The following CNTN4 variants were observed in gnomAD, a reference collection of about 807,000 sequenced individuals.
CNTN4 encodes contactin 4, also known as contactin-4.
In CNTN4, 77 loss-of-function variants were observed where a neutral mutation model predicts 122.5. That is an observed-to-expected ratio of 0.63 (90% CI 0.52 to 0.76). The LOEUF (loss-of-function observed/expected upper bound fraction) is 0.76. Ranked by LOEUF, CNTN4 falls within the 30% of genes least tolerant of loss-of-function variation. CNTN4 has a pLI of 0.00. For synonymous variants in CNTN4, 512 were observed against 447.0 expected (o/e 1.15, Z -1.83); for missense variants, 1,256 against 1,259.1 (o/e 1.00, Z 0.04).
At chr3:2,393,328 C>A (rs1242846309) in intron 3 of CNTN4, among the ~76,000 whole-genome samples, 1 of 152,124 alleles carries the variant, frequency 6.6e-6, no homozygotes, top group African/African-American at 2.4e-5. Context: ...ACATTCTGAG[C>A]TGCTGAAGAT....
At chr3:2,737,866 G>A (rs1311621994) in intron 5 of CNTN4, among the ~76,000 whole-genome samples, 1 of 152,202 alleles carries the variant, frequency 6.6e-6, no homozygotes, top group African/African-American at 2.4e-5. Context: ...AGACTCAAAA[G>A]CACAGGTAAT....
intron 3 of CNTN4, among the ~76,000 whole-genome samples, chr3:2,473,518 C>T (rs567068089): frequency 2.0e-5 from 3 of 152,246 alleles, no homozygotes; most frequent in African/African-American, 7.2e-5. Flanking sequence ...AATTTCAGTT[C>T]GTAAATTATA....
intron 3 of CNTN4, among the ~76,000 whole-genome samples, chr3:2,519,385 C>T (rs1343894936): frequency 6.6e-6 from 1 of 152,196 alleles, no homozygotes; most frequent in Non-Finnish European, 1.5e-5. Context: ...ATTGTCTTGT[C>T]TGTTCCTCTA....
chr3:2,763,934 A>G (rs193062577), intron 6 of CNTN4, among the ~76,000 whole-genome samples: 2 of 145,100 alleles, frequency 1.4e-5, no homozygotes, highest in East Asian at 2.0e-4. Context: ...CAGCTTTGTT[A>G]TTTTGCTTAG....
At chr3:2,310,977 G>A (rs916917893) in intron 2 of CNTN4, among the ~76,000 whole-genome samples, 1 of 151,990 alleles carries the variant, frequency 6.6e-6, no homozygotes, top group Non-Finnish European at 1.5e-5. Context: ...AGACTCCCTT[G>A]ACTTTATCCT....
At chr3:2,203,617 A>G (rs1157888285) in intron 2 of CNTN4, among the ~76,000 whole-genome samples, 1 of 152,162 alleles carries the variant, frequency 6.6e-6, no homozygotes, top group Non-Finnish European at 1.5e-5. Context: ...CTGCTCCAGT[A>G]CGTTCCTGAA....
intron 13 of CNTN4, among the ~76,000 whole-genome samples, chr3:2,961,250 A>G (rs1298329252): frequency 2.0e-5 from 3 of 146,502 alleles, no homozygotes; most frequent in African/African-American, 7.5e-5. Context: ...AAAAAAAAAA[A>G]GGCCTACTGA....
At chr3:2,920,660 G>C (rs532100422) in intron 12 of CNTN4, among the ~76,000 whole-genome samples, 2 of 152,212 alleles carry the variant, frequency 1.3e-5, no homozygotes, top group African/African-American at 4.8e-5. Flanking sequence ...TGGTGACTGG[G>C]GTAGTGCAGT....
At chr3:3,049,805 T>A (rs1395973741) in intron 23 of CNTN4, among the ~76,000 whole-genome samples, 1 of 151,752 alleles carries the variant, frequency 6.6e-6, no homozygotes, top group Admixed American at 6.6e-5. Context: ...TGTGACAATG[T>A]AGCAACATTG....
chr3:2,527,930 T>C (rs951841002), intron 3 of CNTN4, among the ~76,000 whole-genome samples: 3 of 152,168 alleles, frequency 2.0e-5, no homozygotes, highest in African/African-American at 7.2e-5. Flanking sequence ...CCTTTTGTTT[T>C]CAGATATATG....
intron 3 of CNTN4, among the ~76,000 whole-genome samples, chr3:2,340,710 T>TATATATATAGAGAGAGAG: frequency 1.3e-3 from 24 of 18,302 alleles, no homozygotes; most frequent in Admixed American, 2.4e-3. Flanking sequence ...TATATATATA[T>TATATATATAGAGAGAGAG]AGAGAGAGAG....
chr3:2,791,061 A>C (rs189686135), intron 6 of CNTN4, among the ~76,000 whole-genome samples: 35 of 152,314 alleles, frequency 2.3e-4, no homozygotes, highest in African/African-American at 7.0e-4. Flanking sequence ...CAACAAAGGC[A>C]GACCAAGATT....
intron 5 of CNTN4, among the ~76,000 whole-genome samples, chr3:2,741,395 AAAG>A (rs897536582): frequency 2.6e-5 from 4 of 152,248 alleles, no homozygotes; most frequent in Non-Finnish European, 4.4e-5. Flanking sequence ...TGGATAAGGA[AAAG>A]AAGTGCATTC....
intron 4 of CNTN4, among the ~76,000 whole-genome samples, chr3:2,733,761 C>T (rs1465096488): frequency 2.0e-5 from 3 of 151,964 alleles, no homozygotes; most frequent in African/African-American, 7.3e-5. Context: ...GTCTCAAATG[C>T]CTGACCTCAT....
At chr3:2,162,407 A>G (rs1459993999) in intron 2 of CNTN4, among the ~76,000 whole-genome samples, 1 of 152,214 alleles carries the variant, frequency 6.6e-6, no homozygotes, top group Non-Finnish European at 1.5e-5. Flanking sequence ...CAATTTAAGC[A>G]GGTTTTGTTT....
At chr3:2,781,818 G>A (rs2091589278) in intron 6 of CNTN4, among the ~76,000 whole-genome samples, 2 of 135,378 alleles carry the variant, frequency 1.5e-5, no homozygotes, top group South Asian at 2.3e-4. Context: ...TCCGCCTCCC[G>A]GGTTCCCGCC....
chr3:2,581,197 C>T (rs947418093), intron 4 of CNTN4, among the ~76,000 whole-genome samples: 3 of 152,108 alleles, frequency 2.0e-5, no homozygotes, highest in African/African-American at 7.2e-5. Flanking sequence ...TTGTGTTTCT[C>T]AATCTTACCA....
Position 2,575,578 on chromosome 3 carries a change from T to C in CNTN4, c.55+4020T>C, listed in dbSNP as rs554214202. Among the ~76,000 whole-genome samples, 5 of 152,256 alleles carry C rather than the reference T, an allele frequency of 3.3e-5. No homozygotes were observed. The East Asian group carries it at 5.8e-4, about 18-fold the overall frequency. ...GACCTTAGGGCTTTTATACTAACTT[T>C]CTTTTGTCAAGAATGCTCTTGCCTT... On this transcript the variant is annotated intron_variant, in intron 4 of 24. Coordinates refer to ENST00000418658, the MANE Select transcript of CNTN4 (RefSeq NM_175607.3).
At position 2,375,066 on chromosome 3, in the gene CNTN4, T is replaced by C. The variant is rs148774200; in HGVS notation, c.-89+35833T>C. Among the ~76,000 whole-genome samples, 387 of 152,366 alleles carry C rather than the reference T, an allele frequency of 2.5e-3. 1 individual carries two copies. The highest frequency in any genetic ancestry group is 7.9e-3 in the African/African-American group (327 of 41,588). On this transcript the variant is annotated intron_variant, in intron 3 of 24. Coordinates refer to ENST00000418658, the MANE Select transcript of CNTN4 (RefSeq NM_175607.3). ...GACAATATGATATCTTAGAAAGTCA[T>C]TGTAAAAATCTGCTTCAGTCAAAAA...
Sources: allele counts gnomAD v4.1 joint callset (sites outside exome capture counted in the v4.1 genomes callset), GRCh38; gene constraint gnomAD v4.1.1; transcripts MANE v1.5; gene names NCBI Gene and HGNC (gene_info 2026-07-23, HGNC 2026-07-21).